Variants in EXOC6B observed in about 807,000 individuals in gnomAD.
EXOC6B encodes the protein SEC15 homolog B.
EXOC6B carries 54 observed loss-of-function variants against 113.5 expected under a neutral mutation model. The observed-to-expected ratio is 0.48, with a 90% CI of 0.38 to 0.60. EXOC6B has a LOEUF of 0.60. Among genes scored for constraint, EXOC6B ranks in the 20% least tolerant of loss-of-function variants. EXOC6B has a pLI of 0.00. For missense variants in EXOC6B, 797 were observed against 977.5 expected (o/e 0.82, Z 2.46); for synonymous variants, 357 against 339.0 (o/e 1.05, Z -0.58).
chr2:72,471,376 T>A (rs926066246), intron 17 of EXOC6B, among the ~76,000 whole-genome samples: 4 of 152,226 alleles, frequency 2.6e-5, no homozygotes, highest in African/African-American at 7.2e-5. Context: ...CTTTGTCAGA[T>A]GAGTAGGTTG....
At chr2:72,599,504 C>T (rs1670276319) in intron 6 of EXOC6B, among the ~76,000 whole-genome samples, 1 of 152,138 alleles carries the variant, frequency 6.6e-6, no homozygotes, top group African/African-American at 2.4e-5. Flanking sequence ...AAGGATGTCA[C>T]TTCTCACCAC....
intron 20 of EXOC6B, among the ~76,000 whole-genome samples, chr2:72,264,669 A>AG (rs1380658873): frequency 6.6e-6 from 1 of 151,944 alleles, no homozygotes; most frequent in Non-Finnish European, 1.5e-5. Flanking sequence ...CCACGTGTCA[A>AG]GGGTGGGGCC....
intron 17 of EXOC6B, among the ~76,000 whole-genome samples, chr2:72,466,274 G>A (rs1477281173): frequency 6.6e-6 from 1 of 151,446 alleles, no homozygotes; most frequent in Non-Finnish European, 1.5e-5. Context: ...GAACCCAGGA[G>A]GCGGAGGTTG....
At position 72,177,127 on chromosome 2, in the gene EXOC6B, G is replaced by GGGTCCAT. The variant is rs1677780919; in HGVS notation, c.*2201_*2207dup. On this transcript the variant is annotated 3_prime_UTR_variant, in exon 22 of 22. Transcript: ENST00000272427. ...AAGAATGGAGAGAAGATATATCAAA[G>GGGTCCAT]GGTCCATCTTTATGTCTTGAGCTTG... The GGGTCCAT allele has an allele frequency of 6.6e-6, 1 of 152,058 alleles. No homozygotes were observed. The highest frequency in any genetic ancestry group is 6.6e-5 in the Admixed American group (1 of 15,248). 9.4% of individuals were successfully genotyped at this position (152,058 alleles called of 1,614,324 possible).
intron 19 of EXOC6B, 29 bp from the exon 20 acceptor site, chr2:72,335,049 G>T: frequency 6.2e-7 from 1 of 1,601,268 alleles, no homozygotes; most frequent in Non-Finnish European, 8.6e-7. Flanking sequence ...GATAAAAAGC[G>T]CCTTTAACTA....
At chr2:72,477,874 T>C (rs1354659767) in intron 17 of EXOC6B, among the ~76,000 whole-genome samples, 1 of 151,114 alleles carries the variant, frequency 6.6e-6, no homozygotes, top group Non-Finnish European at 1.5e-5. Flanking sequence ...TGGTCATTTA[T>C]TTTTTTTTCC....
intron 18 of EXOC6B, among the ~76,000 whole-genome samples, chr2:72,408,434 C>A (rs894917027): frequency 6.6e-6 from 1 of 152,160 alleles, no homozygotes; most frequent in African/African-American, 2.4e-5. Context: ...AAGAACAAAG[C>A]TGGAGGCATC....
chr2:72,308,158 T>A (rs963809003), intron 20 of EXOC6B, among the ~76,000 whole-genome samples: 8 of 152,134 alleles, frequency 5.3e-5, no homozygotes, highest in African/African-American at 1.9e-4. Flanking sequence ...CAATATTTTC[T>A]TTTTCCATTT....
intron 19 of EXOC6B, among the ~76,000 whole-genome samples, chr2:72,367,518 A>T (rs1690706345): frequency 6.6e-6 from 1 of 150,644 alleles, no homozygotes; most frequent in Admixed American, 6.6e-5. Context: ...CCACCCCTGC[A>T]GGAACACCAA....
intron 15 of EXOC6B, 137 bp from the exon 16 acceptor site, chr2:72,492,566 A>G: frequency 2.0e-6 from 1 of 509,330 alleles, no homozygotes; most frequent in Non-Finnish European, 3.5e-6. Context: ...TAAGTCAGAA[A>G]AAGTACTATA....
At chr2:72,319,038 G>A (rs55714718) in intron 20 of EXOC6B, among the ~76,000 whole-genome samples, 31,404 of 151,636 alleles carry the variant, frequency 0.21, 6,089 homozygotes, top group African/African-American at 0.52. Context: ...AAACCCATAA[G>A]AATGCTTACA....
chr2:72,537,308 A>G (rs1478727065), intron 8 of EXOC6B, among the ~76,000 whole-genome samples: 2 of 152,140 alleles, frequency 1.3e-5, no homozygotes, highest in East Asian at 3.8e-4. Context: ...TAGAACAGTT[A>G]AAAACACAAA....
In EXOC6B at chr2:72,802,315, ACT is replaced by A. The variant is rs1685331864; in HGVS notation, c.113+23481_113+23482del. On this transcript the variant is annotated intron_variant, in intron 1 of 21. Coordinates refer to ENST00000272427, the MANE Select transcript of EXOC6B (RefSeq NM_015189.3). ...ACTCTAGCCTGGGCAACAGGGCAAG[ACT>A]CTGTCTCAAAAAAAAAAAAAAAAGT... Among the ~76,000 whole-genome samples, 4 of 149,118 alleles carry A rather than the reference ACT, an allele frequency of 2.7e-5. No homozygotes were observed. The South Asian group carries it at 8.5e-4, about 32-fold the overall frequency.
At chr2:72,317,759 T>C (rs751916801) in intron 20 of EXOC6B, among the ~76,000 whole-genome samples, 5 of 152,176 alleles carry the variant, frequency 3.3e-5, no homozygotes, top group Non-Finnish European at 4.4e-5. Flanking sequence ...CCAGTAGCTT[T>C]TGAGAACCAC....
intron 1 of EXOC6B, among the ~76,000 whole-genome samples, chr2:72,824,751 A>C (rs760868617): frequency 6.6e-5 from 10 of 152,218 alleles, no homozygotes; most frequent in Non-Finnish European, 1.0e-4. Flanking sequence ...AGTTGGTTCT[A>C]GGACACCAGT....
At chr2:72,695,248 T>A (rs2104606533) in intron 6 of EXOC6B, among the ~76,000 whole-genome samples, 2 of 152,256 alleles carry the variant, frequency 1.3e-5, no homozygotes, top group East Asian at 3.9e-4. Flanking sequence ...TTAGCAAGGC[T>A]TTTCTAGTAG....
chr2:72,423,367 C>T (rs1244017031), intron 18 of EXOC6B, among the ~76,000 whole-genome samples: 1 of 152,078 alleles, frequency 6.6e-6, no homozygotes, highest in Admixed American at 6.6e-5. Context: ...TCAGTGAGAC[C>T]AAGAACCCAC....
intron 18 of EXOC6B, among the ~76,000 whole-genome samples, chr2:72,386,919 T>C (rs553326029): frequency 7.9e-4 from 120 of 152,342 alleles, no homozygotes; most frequent in African/African-American, 2.6e-3. Context: ...CTAGGTTCTT[T>C]TGCTCAGCAT....
At chr2:72,667,845 A>G (rs1428069238) in intron 6 of EXOC6B, among the ~76,000 whole-genome samples, 3 of 152,210 alleles carry the variant, frequency 2.0e-5, no homozygotes, top group African/African-American at 7.2e-5. Flanking sequence ...CTCAAAAGCA[A>G]TTGTAACAAA....
Sources: allele counts gnomAD v4.1 joint callset (sites outside exome capture counted in the v4.1 genomes callset), GRCh38; gene constraint gnomAD v4.1.1; transcripts MANE v1.5; gene names NCBI Gene and HGNC (gene_info 2026-07-23, HGNC 2026-07-21).